DYNC1I1: variants seen among roughly 807,000 people sequenced by gnomAD.
The protein encoded by DYNC1I1 is dynein cytoplasmic 1 intermediate chain 1, also known as cytoplasmic dynein 1 intermediate chain 1.
In DYNC1I1, 43 loss-of-function variants were observed where a neutral mutation model predicts 86.6. That is an observed-to-expected ratio of 0.50 (90% confidence interval 0.39 to 0.64). The LOEUF is 0.64. Among genes scored for constraint, DYNC1I1 ranks in the 30% least tolerant of loss-of-function variants. The probability of loss-of-function intolerance (pLI) is 0.00; values close to 1 mark genes in which losing one functional copy is unlikely to be tolerated. For synonymous variants in DYNC1I1, 262 were observed against 283.7 expected (o/e 0.92, Z 0.77); for missense variants, 604 against 788.8 (o/e 0.77, Z 2.81).
intron 6 of DYNC1I1, among the ~76,000 whole-genome samples, chr7:95,880,085 G>A (rs1373477202): frequency 6.6e-6 from 1 of 152,120 alleles, no homozygotes; most frequent in Non-Finnish European, 1.5e-5. Context: ...TACTAGTAAT[G>A]ATGATAGTTT....
At chr7:95,979,327 T>A (rs1401116929) in intron 7 of DYNC1I1, among the ~76,000 whole-genome samples, 2 of 152,218 alleles carry the variant, frequency 1.3e-5, no homozygotes, top group Non-Finnish European at 2.9e-5. Flanking sequence ...GTTTAACCTT[T>A]TTTTGCCTCA....
At chr7:95,781,908 G>T (rs144011566) in intron 1 of DYNC1I1, among the ~76,000 whole-genome samples, 1 of 152,122 alleles carries the variant, frequency 6.6e-6, no homozygotes, top group Non-Finnish European at 1.5e-5. Flanking sequence ...CCAGAATTCC[G>T]ACTCATTGGA....
At chr7:95,995,072 C>A (rs10246514) in intron 9 of DYNC1I1, among the ~76,000 whole-genome samples, 2,111 of 151,814 alleles carry the variant, frequency 0.014, 51 homozygotes, top group African/African-American at 0.048. Context: ...ACGGTGAAAC[C>A]CCGTCTCTAC....
intron 10 of DYNC1I1, among the ~76,000 whole-genome samples, chr7:96,005,214 A>G (rs890855907): frequency 2.6e-5 from 4 of 152,192 alleles, no homozygotes; most frequent in African/African-American, 7.2e-5. Context: ...AATGGAAAAA[A>G]TAATTCCAGA....
chr7:96,085,919 A>C (rs2116292965), intron 16 of DYNC1I1, among the ~76,000 whole-genome samples: 1 of 151,728 alleles, frequency 6.6e-6, no homozygotes, highest in East Asian at 2.0e-4. Flanking sequence ...CTGAAAACAG[A>C]GCTATTGTTG....
At chr7:96,075,688 G>A (rs548408375) in intron 14 of DYNC1I1, among the ~76,000 whole-genome samples, 1 of 152,298 alleles carries the variant, frequency 6.6e-6, no homozygotes, top group Admixed American at 6.5e-5. Flanking sequence ...CCGCGGGTCT[G>A]AGCCGGGCCG....
At chr7:95,992,432 G>A (rs115623339) in intron 9 of DYNC1I1, among the ~76,000 whole-genome samples, 1 of 152,182 alleles carries the variant, frequency 6.6e-6, no homozygotes, top group African/African-American at 2.4e-5. Context: ...TGGGGTTCTT[G>A]CTTTATCACT....
chr7:95,957,902 A>G (rs1328654744), intron 6 of DYNC1I1, among the ~76,000 whole-genome samples: 2 of 152,184 alleles, frequency 1.3e-5, no homozygotes, highest in Non-Finnish European at 2.9e-5. Flanking sequence ...TCACTGGGAG[A>G]AAGTATAGGC....
intron 6 of DYNC1I1, among the ~76,000 whole-genome samples, chr7:95,922,641 C>A (rs1223683173): frequency 6.6e-6 from 1 of 152,022 alleles, no homozygotes; most frequent in South Asian, 2.1e-4. Flanking sequence ...ATATAATTAG[C>A]CAAATGGTAT....
chr7:96,004,301 A>C (rs1478297760), intron 10 of DYNC1I1, among the ~76,000 whole-genome samples: 1 of 152,042 alleles, frequency 6.6e-6, no homozygotes, highest in African/African-American at 2.4e-5. Flanking sequence ...TTAATTTTTA[A>C]CTCTAATCTC....
intron 16 of DYNC1I1, among the ~76,000 whole-genome samples, chr7:96,081,833 T>C (rs965972623): frequency 6.6e-6 from 1 of 152,184 alleles, no homozygotes; most frequent in Non-Finnish European, 1.5e-5. Flanking sequence ...AGCTAGACGG[T>C]GTTTTTTAAA....
intron 6 of DYNC1I1, among the ~76,000 whole-genome samples, chr7:95,873,517 G>A (rs554591063): frequency 6.6e-6 from 1 of 152,328 alleles, no homozygotes; most frequent in East Asian, 1.9e-4. Context: ...GAGTTTACCA[G>A]ATGACTAGAC....
At chr7:95,934,496 A>G (rs1791986350) in intron 6 of DYNC1I1, among the ~76,000 whole-genome samples, 1 of 152,212 alleles carries the variant, frequency 6.6e-6, no homozygotes, top group Non-Finnish European at 1.5e-5. Context: ...CCAATCAGTT[A>G]CATATCCACA....
At chr7:95,900,001 C>T (rs1008909176) in intron 6 of DYNC1I1, among the ~76,000 whole-genome samples, 12 of 152,102 alleles carry the variant, frequency 7.9e-5, no homozygotes, top group African/African-American at 2.9e-4. Context: ...ATTTTGTATG[C>T]AAGGAGGTAT....
chr7:95,838,494 T>G (rs758781573), intron 5 of DYNC1I1, among the ~76,000 whole-genome samples: 47 of 152,362 alleles, frequency 3.1e-4, no homozygotes, highest in Non-Finnish European at 6.2e-4. Flanking sequence ...TGAGAATACC[T>G]TTCTAAAGAT....
chr7:96,041,024 G>C (rs1252680615), intron 14 of DYNC1I1, among the ~76,000 whole-genome samples: 1 of 151,994 alleles, frequency 6.6e-6, no homozygotes, highest in East Asian at 1.9e-4. Context: ...ACCTGGCCCA[G>C]CAGTGGATTT....
chr7:95,820,167 G>T (rs1203735371), intron 4 of DYNC1I1, among the ~76,000 whole-genome samples: 1 of 152,120 alleles, frequency 6.6e-6, no homozygotes, highest in Non-Finnish European at 1.5e-5. Flanking sequence ...AAAAGAGCCT[G>T]ATATAAGTAT....
intron 6 of DYNC1I1, among the ~76,000 whole-genome samples, chr7:95,969,542 C>G (rs988422539): frequency 6.6e-6 from 1 of 152,180 alleles, no homozygotes; most frequent in East Asian, 1.9e-4. Flanking sequence ...CTGAGAAGGT[C>G]CTTGTTCTCT....
At chr7:95,880,467 AG>A (rs1186421654) in intron 6 of DYNC1I1, among the ~76,000 whole-genome samples, 1 of 151,986 alleles carries the variant, frequency 6.6e-6, no homozygotes, top group Non-Finnish European at 1.5e-5. Context: ...GCATACCTGT[AG>A]GGGTTACAAG....
Sources: allele counts gnomAD v4.1 joint callset (sites outside exome capture counted in the v4.1 genomes callset), GRCh38; gene constraint gnomAD v4.1.1; transcripts MANE v1.5; gene names NCBI Gene and HGNC (gene_info 2026-07-23, HGNC 2026-07-21).